Variants in CFAP95 observed in about 807,000 individuals in gnomAD.
CFAP95 encodes cilia and flagella associated protein 95, also known as cilia- and flagella-associated protein 95.
At chr9:69,883,406 A>G in the CFAP95 span, among the ~76,000 whole-genome samples, 13 of 152,142 alleles carry the variant, frequency 8.5e-5, no homozygotes, top group African/African-American at 3.1e-4. Context: ...GGAGGGGTTT[A>G]TCTTAAGGTT....
At chr9:69,872,774 T>A in the CFAP95 span, among the ~76,000 whole-genome samples, 59 of 152,140 alleles carry the variant, frequency 3.9e-4, no homozygotes, top group Non-Finnish European at 7.8e-4. Context: ...CAATTGAGCC[T>A]AGAAGTTCAA....
chr9:69,895,940 C>T, the CFAP95 span, among the ~76,000 whole-genome samples: 3 of 152,118 alleles, frequency 2.0e-5, no homozygotes, highest in Admixed American at 1.3e-4. Context: ...GGATTACAGG[C>T]GTGAGCTGCT....
the CFAP95 span, chr9:69,844,491 T>C: frequency 2.0e-6 from 3 of 1,477,766 alleles, no homozygotes; most frequent in Non-Finnish European, 2.8e-6. Flanking sequence ...CTACATCTCT[T>C]AACGGACTCC....
At chr9:69,838,078 T>C in the CFAP95 span, among the ~76,000 whole-genome samples, 1 of 152,184 alleles carries the variant, frequency 6.6e-6, no homozygotes, top group Non-Finnish European at 1.5e-5. Flanking sequence ...TCTGTTCTAT[T>C]CCATTGATCT....
chr9:69,902,942 C>G, the CFAP95 span, among the ~76,000 whole-genome samples: 2 of 152,110 alleles, frequency 1.3e-5, no homozygotes, highest in African/African-American at 4.8e-5. Flanking sequence ...TCCTCTGATT[C>G]CAAGTACCTC....
the CFAP95 span, chr9:69,905,886 A>G: frequency 8.6e-7 from 1 of 1,161,462 alleles, no homozygotes; most frequent in South Asian, 2.6e-5. Flanking sequence ...TGAAAAATAA[A>G]CTTTTGAAGA....
the CFAP95 span, among the ~76,000 whole-genome samples, chr9:69,821,812 T>C: frequency 6.6e-6 from 1 of 152,088 alleles, no homozygotes; most frequent in Non-Finnish European, 1.5e-5. Context: ...TCCAGGGTTG[T>C]ATCTTTGAAA....
chr9:69,842,725 C>G, the CFAP95 span, among the ~76,000 whole-genome samples: 1 of 152,162 alleles, frequency 6.6e-6, no homozygotes, highest in Non-Finnish European at 1.5e-5. Context: ...GTCCAATATC[C>G]CCCCTGAGGA....
At chr9:69,834,079 C>T in the CFAP95 span, among the ~76,000 whole-genome samples, 15,129 of 152,196 alleles carry the variant, frequency 0.099, 862 homozygotes, top group South Asian at 0.18. Flanking sequence ...GGAGCTTACA[C>T]AGGTAATTGA....
the CFAP95 span, among the ~76,000 whole-genome samples, chr9:69,898,476 G>A: frequency 8.2e-3 from 1,248 of 152,292 alleles, 20 homozygotes; most frequent in Non-Finnish European, 0.012. Context: ...TTACAGGAAA[G>A]TTTCAAAAAT....
the CFAP95 span, among the ~76,000 whole-genome samples, chr9:69,900,204 A>G: frequency 6.6e-6 from 1 of 152,070 alleles, no homozygotes; most frequent in African/African-American, 2.4e-5. Context: ...CTGAGGTGGT[A>G]TTGGGGACCC....
chr9:69,868,017 C>T, the CFAP95 span, among the ~76,000 whole-genome samples: 3 of 152,168 alleles, frequency 2.0e-5, no homozygotes, highest in East Asian at 5.8e-4. Flanking sequence ...GTAATTGAAA[C>T]AACCTTCATA....
the CFAP95 span, among the ~76,000 whole-genome samples, chr9:69,826,743 T>C: frequency 5.3e-5 from 8 of 152,164 alleles, no homozygotes; most frequent in Admixed American, 3.3e-4. Flanking sequence ...GGATCTATAG[T>C]TAGAAGGCAG....
the CFAP95 span, among the ~76,000 whole-genome samples, chr9:69,889,825 C>T: frequency 6.6e-6 from 1 of 152,000 alleles, no homozygotes; most frequent in Non-Finnish European, 1.5e-5. Context: ...TTTATAATCT[C>T]CATAGATAGT....
the CFAP95 span, among the ~76,000 whole-genome samples, chr9:69,823,008 A>G: frequency 3.5e-4 from 54 of 152,342 alleles, 1 homozygote; most frequent in East Asian, 9.2e-3. Context: ...AATATAGGGT[A>G]GCTGTATGAG....
At chr9:69,897,282 G>T in the CFAP95 span, among the ~76,000 whole-genome samples, 1 of 152,208 alleles carries the variant, frequency 6.6e-6, no homozygotes, top group Non-Finnish European at 1.5e-5. Flanking sequence ...ATCCTTATAG[G>T]CATACTGGGG....
At chr9:69,847,447 A>G in the CFAP95 span, among the ~76,000 whole-genome samples, 4 of 152,228 alleles carry the variant, frequency 2.6e-5, no homozygotes, top group Non-Finnish European at 4.4e-5. Flanking sequence ...CTAAATGCTA[A>G]GATCTTAGAG....
the CFAP95 span, among the ~76,000 whole-genome samples, chr9:69,900,366 G>A: frequency 2.6e-5 from 4 of 152,328 alleles, no homozygotes; most frequent in African/African-American, 7.2e-5. Context: ...AGAGAAGGAT[G>A]TGACTTAGCA....
chr9:69,872,970 A>T, the CFAP95 span, among the ~76,000 whole-genome samples: 5 of 152,168 alleles, frequency 3.3e-5, no homozygotes, highest in African/African-American at 1.2e-4. Context: ...AGGCTACAAT[A>T]CAGGTAGATC....
Sources: allele counts gnomAD v4.1 joint callset (sites outside exome capture counted in the v4.1 genomes callset), GRCh38; gene constraint gnomAD v4.1.1; transcripts MANE v1.5; gene names NCBI Gene and HGNC (gene_info 2026-07-23, HGNC 2026-07-21).